Variants in CLYBL observed in about 807,000 individuals in gnomAD.
CLYBL encodes the protein citramalyl-CoA lyase, also known as citramalyl-CoA lyase, mitochondrial.
CLYBL carries 31 observed loss-of-function variants against 38.9 expected under a neutral mutation model. That is an observed-to-expected ratio of 0.80 (90% CI 0.60 to 1.08). The LOEUF is 1.08. CLYBL is among the 50% of genes least tolerant of loss of function. The pLI, the probability that CLYBL is intolerant of heterozygous loss-of-function variation, is 0.00. For missense variants in CLYBL, 434 were observed against 411.6 expected (o/e 1.05, Z -0.47); for synonymous variants, 171 against 158.6 (o/e 1.08, Z -0.59).
intron 1 of CLYBL, among the ~76,000 whole-genome samples, chr13:99,748,439 T>TG (rs2048893828): frequency 7.6e-6 from 1 of 130,788 alleles, no homozygotes; most frequent in African/African-American, 3.0e-5. Context: ...GTTTTTTTTT[T>TG]TTTTTTTTTT....
intron 1 of CLYBL, among the ~76,000 whole-genome samples, chr13:99,619,549 T>C (rs2139197921): frequency 6.6e-6 from 1 of 152,366 alleles, no homozygotes; most frequent in Admixed American, 6.5e-5. Flanking sequence ...AAATCAGAAT[T>C]GTTTTAATAT....
chr13:99,741,815 T>A (rs1048291402), intron 1 of CLYBL, among the ~76,000 whole-genome samples: 11 of 152,208 alleles, frequency 7.2e-5, no homozygotes, highest in African/African-American at 2.7e-4. Flanking sequence ...ATCAATCTAG[T>A]TGAAAAAGCA....
chr13:99,770,386 T>G (rs1046352471), intron 1 of CLYBL, among the ~76,000 whole-genome samples: 1 of 152,038 alleles, frequency 6.6e-6, no homozygotes, highest in Non-Finnish European at 1.5e-5. Flanking sequence ...GGCGCAATCT[T>G]GGCTCACTGC....
chr13:99,646,679 A>ATTTTTTTTT, intron 1 of CLYBL, among the ~76,000 whole-genome samples: 1 of 128,840 alleles, frequency 7.8e-6, no homozygotes, highest in Non-Finnish European at 1.6e-5. Context: ...CACCTGGCTA[A>ATTTTTTTTT]TTTTTTTTTT....
chr13:99,716,291 T>A (rs2048312674), intron 1 of CLYBL, among the ~76,000 whole-genome samples: 1 of 147,198 alleles, frequency 6.8e-6, no homozygotes, highest in South Asian at 2.2e-4. Context: ...AATACTGGTG[T>A]GCGCCACCAT....
intron 8 of CLYBL, among the ~76,000 whole-genome samples, chr13:99,902,678 T>C (rs2052655493): frequency 6.6e-6 from 1 of 152,228 alleles, no homozygotes; most frequent in Admixed American, 6.5e-5. Flanking sequence ...TTTATTTTCT[T>C]TCAACAAAAC....
chr13:99,607,787 A>G (rs2046551820), intron 1 of CLYBL, among the ~76,000 whole-genome samples: 1 of 152,180 alleles, frequency 6.6e-6, no homozygotes, highest in African/African-American at 2.4e-5. Flanking sequence ...TCTGTCACCT[A>G]GGCTGTAGTA....
chr13:99,660,299 C>A (rs571042221), intron 1 of CLYBL, among the ~76,000 whole-genome samples: 1 of 152,318 alleles, frequency 6.6e-6, no homozygotes, highest in Admixed American at 6.5e-5. Context: ...GGCAATTGAA[C>A]AGTGGTAGCC....
chr13:99,805,536 G>A lies in CLYBL; in HGVS notation c.249+32526G>A, dbSNP rs542947591. ...AAACTTCTACCATCCCAGTGTGCCC[G>A]GTTGCTCCCACGCCCTCAGGATACT... On this transcript the variant is annotated intron_variant, in intron 2 of 8. Coordinates refer to ENST00000339105, the MANE Select transcript of CLYBL (RefSeq NM_206808.5). Among the ~76,000 whole-genome samples the A allele has an allele frequency of 7.9e-5, 12 of 151,974 alleles. 1 individual carries two copies. The highest frequency in any genetic ancestry group is 2.0e-4 in the Admixed American group (3 of 15,246).
chr13:99,878,080 A>G (rs1158974138), intron 7 of CLYBL, among the ~76,000 whole-genome samples: 1 of 152,200 alleles, frequency 6.6e-6, no homozygotes, highest in Non-Finnish European at 1.5e-5. Flanking sequence ...GGTACACGAA[A>G]CACATTTAGT....
rs543932196 is a variant in CLYBL at position 99,752,266 on chromosome 13, C to T, written c.63-20558C>T. Among the ~76,000 whole-genome samples the T allele has an allele frequency of 1.8e-3, 276 of 152,262 alleles. 1 individual carries two copies. Among genetic ancestry groups the T allele is most frequent in the African/African-American group, 6.2e-3 (257 of 41,558 alleles). On this transcript the variant is annotated intron_variant, in intron 1 of 8. Transcript: ENST00000339105. ...GGCTAATGGAAACTTGTGGCCCTTT[C>T]TCCTTGAACATTCCCTAGCCTGCCA...
At chr13:99,880,304 A>T (rs926453264) in intron 7 of CLYBL, among the ~76,000 whole-genome samples, 2 of 151,970 alleles carry the variant, frequency 1.3e-5, no homozygotes, top group Non-Finnish European at 2.9e-5. Context: ...ACCTCAAGTG[A>T]TCTGCCCGCT....
rs538328600 is a variant in CLYBL, at chr13:99,837,210, G to A, written c.250-21651G>A. 2.5e-3 allele frequency among the ~76,000 whole-genome samples: 373 copies of A among 152,236 alleles called. 2 individuals carry two copies. The highest frequency in any genetic ancestry group is 8.5e-3 in the African/African-American group (351 of 41,538). ...CATCTGTAATCCCAGCACTCTGGGA[G>A]GCCAAGACAGGAGGATCGCTTGAGC... On this transcript the variant is annotated intron_variant, in intron 2 of 8. Transcript: ENST00000339105.
intron 2 of CLYBL, among the ~76,000 whole-genome samples, chr13:99,775,565 G>C (rs2049494193): frequency 6.6e-6 from 1 of 151,998 alleles, no homozygotes; most frequent in Admixed American, 6.6e-5. Flanking sequence ...CTGGGGTGCA[G>C]TGGTGTCATC....
At chr13:99,844,638 C>T (rs1396717469) in intron 2 of CLYBL, among the ~76,000 whole-genome samples, 2 of 152,204 alleles carry the variant, frequency 1.3e-5, no homozygotes, top group Non-Finnish European at 1.5e-5. Context: ...CCTCTTGTGA[C>T]TTCAGTCACT....
intron 1 of CLYBL, among the ~76,000 whole-genome samples, chr13:99,740,116 T>C (rs2048728105): frequency 6.6e-6 from 1 of 152,218 alleles, no homozygotes; most frequent in Non-Finnish European, 1.5e-5. Flanking sequence ...GCCATAAATA[T>C]GTCTTGTTTC....
At chr13:99,871,906 T>C (rs543226008) in intron 7 of CLYBL, among the ~76,000 whole-genome samples, 3 of 151,706 alleles carry the variant, frequency 2.0e-5, no homozygotes, top group African/African-American at 7.3e-5. Context: ...AGGAGTAAAG[T>C]TTTGATACCT....
At chr13:99,800,795 G>A (rs187551957) in intron 2 of CLYBL, among the ~76,000 whole-genome samples, 1 of 151,524 alleles carries the variant, frequency 6.6e-6, no homozygotes, top group Non-Finnish European at 1.5e-5. Flanking sequence ...AATCGCGTGA[G>A]CCCAGGAGGC....
At chr13:99,688,471 T>C (rs2047851399) in intron 1 of CLYBL, among the ~76,000 whole-genome samples, 1 of 152,250 alleles carries the variant, frequency 6.6e-6, no homozygotes, top group South Asian at 2.1e-4. Context: ...AATGCCAGAT[T>C]TTTCTCCAAT....
Sources: allele counts gnomAD v4.1 joint callset (sites outside exome capture counted in the v4.1 genomes callset), GRCh38; gene constraint gnomAD v4.1.1; transcripts MANE v1.5; gene names NCBI Gene and HGNC (gene_info 2026-07-23, HGNC 2026-07-21).